CDC14B: variants seen among roughly 807,000 people sequenced by gnomAD.
CDC14B encodes dual specificity protein phosphatase CDC14B.
CDC14B carries 22 observed loss-of-function variants against 64.2 expected under a neutral mutation model. That is an observed-to-expected ratio of 0.34 (90% CI 0.24 to 0.49). The LOEUF is 0.49. Ranked by LOEUF, CDC14B falls within the 20% of genes least tolerant of loss-of-function variation. The probability of loss-of-function intolerance (pLI) is 0.99; values close to 1 mark genes in which losing one functional copy is unlikely to be tolerated. For synonymous variants in CDC14B, 191 were observed against 215.8 expected (o/e 0.89, Z 1.01); for missense variants, 498 against 629.9 (o/e 0.79, Z 2.24).
chr9:96,535,693 C>CT (rs1484361591), intron 7 of CDC14B, among the ~76,000 whole-genome samples: 1 of 152,056 alleles, frequency 6.6e-6, no homozygotes, highest in Non-Finnish European at 1.5e-5. Flanking sequence ...TCTTGAATAT[C>CT]TACAGGGACC....
downstream of CDC14B, chr9:96,496,265 AG>A (rs1291158316): frequency 2.0e-6 from 1 of 504,856 alleles, no homozygotes; most frequent in Non-Finnish European, 3.9e-6. Flanking sequence ...GGGCGTGTCC[AG>A]GAGAGACCTT....
intron 1 of CDC14B, among the ~76,000 whole-genome samples, chr9:96,574,110 G>C (rs1416312076): frequency 6.6e-6 from 1 of 150,878 alleles, no homozygotes. Context: ...TCGCACCACT[G>C]AACTCCAGCT....
chr9:96,557,093 C>T (rs1280324517), intron 4 of CDC14B, among the ~76,000 whole-genome samples: 3 of 152,232 alleles, frequency 2.0e-5, no homozygotes, highest in African/African-American at 7.2e-5. Context: ...GTTAACAGCA[C>T]CCAGCAAGCA....
rs1297652204 is a variant in CDC14B at position 96,580,384 on chromosome 9, ACCACGCCCGG to A, written c.161-14911_161-14902del. On this transcript the variant is annotated intron_variant, in intron 1 of 13. Transcript: ENST00000375241. The stretch of plus-strand genomic sequence containing the variant: ...GTAGCTGGGATTACAAGCATGCACC[ACCACGCCCGG>A]CTAATTTTGTGTTTTTAGTAGAGAT... Among the ~76,000 whole-genome samples, 21 of 152,218 alleles carry A rather than the reference ACCACGCCCGG, an allele frequency of 1.4e-4. No homozygotes were observed. The East Asian group carries it at 4.1e-3, about 29-fold the overall frequency.
chr9:96,559,017 G>A (rs1842831183), intron 4 of CDC14B, among the ~76,000 whole-genome samples: 1 of 152,080 alleles, frequency 6.6e-6, no homozygotes, highest in Non-Finnish European at 1.5e-5. Flanking sequence ...AGACAAATGA[G>A]TACTCAACTC....
intron 13 of CDC14B, among the ~76,000 whole-genome samples, chr9:96,494,089 C>T (rs1417384191): frequency 2.0e-5 from 3 of 152,176 alleles, no homozygotes; most frequent in African/African-American, 7.2e-5. Flanking sequence ...GCCTGGGAGC[C>T]CTGTCTTGTC....
In CDC14B at chr9:96,618,550, G is replaced by C. The variant is rs758969700; in HGVS notation, c.160+669C>G. 5.6e-6 allele frequency: 3 copies of C among 533,352 alleles called. No homozygotes were observed. The East Asian group carries it at 1.6e-4, about 29-fold the overall frequency. The allele number at this position is 533,352 out of a possible 1,614,324, so 33.0% of individuals were successfully genotyped here. A position where few individuals can be genotyped will look rare whatever the true frequency, so the allele number is the denominator to read the frequency against. Reference sequence around the variant, plus strand: ...TGACAACCCGGACATTCGTCTTGCCGGCTGGCTCGAATGCCACCAACGTGA... The same window carrying C: ...TGACAACCCGGACATTCGTCTTGCCCGCTGGCTCGAATGCCACCAACGTGA... On this transcript the variant is annotated intron_variant, in intron 1 of 13. Transcript: ENST00000375241.
intron 1 of CDC14B, among the ~76,000 whole-genome samples, chr9:96,571,542 A>G (rs1844477396): frequency 6.6e-6 from 1 of 152,182 alleles, no homozygotes; most frequent in South Asian, 2.1e-4. Context: ...TCACAAAGGG[A>G]AAAACTAGGA....
intron 1 of CDC14B, among the ~76,000 whole-genome samples, chr9:96,579,232 G>A (rs1844991209): frequency 6.6e-6 from 1 of 152,160 alleles, no homozygotes; most frequent in South Asian, 2.1e-4. Flanking sequence ...AGGGAATAGG[G>A]CCTTTAAGGA....
At chr9:96,549,910 C>G (rs1294273293) in intron 5 of CDC14B, among the ~76,000 whole-genome samples, 1 of 152,190 alleles carries the variant, frequency 6.6e-6, no homozygotes, top group East Asian at 1.9e-4. Flanking sequence ...TTTAAATTAA[C>G]TCAAAACGTC....
chr9:96,601,034 T>C (rs1414888899), intron 1 of CDC14B, among the ~76,000 whole-genome samples: 3 of 152,216 alleles, frequency 2.0e-5, no homozygotes, highest in Admixed American at 1.3e-4. Flanking sequence ...CAATAAAATA[T>C]TCCACTACAT....
In CDC14B at chr9:96,607,036, T is replaced by TA. The variant is rs112695794; in HGVS notation, c.160+12182dup. 8.2e-3 allele frequency among the ~76,000 whole-genome samples: 1,173 copies of TA among 143,142 alleles called. 17 individuals carry two copies. Among genetic ancestry groups the TA allele is most frequent in the African/African-American group, 0.026 (1,045 of 39,504 alleles). The allele number at this position is 143,142 out of a possible 152,430, so 93.9% of individuals were successfully genotyped here. A position where few individuals can be genotyped will look rare whatever the true frequency, so the allele number is the denominator to read the frequency against. ...AGCAAGACTGTGTCTCAAAAAAATT[T>TA]AAAAAAAAAAAAATTTAAATAAGAA... is the stretch of plus-strand genomic sequence containing the variant. On this transcript the variant is annotated intron_variant, in intron 1 of 13. Coordinates refer to ENST00000375241, the MANE Select transcript of CDC14B (RefSeq NM_033331.4).
intron 3 of CDC14B, among the ~76,000 whole-genome samples, chr9:96,563,576 G>C (rs901128425): frequency 1.3e-5 from 2 of 151,614 alleles, no homozygotes; most frequent in African/African-American, 4.9e-5. Context: ...CTTGAACCAG[G>C]GGGGTGGAGG....
At chr9:96,580,277 G>A (rs1309463483) in intron 1 of CDC14B, among the ~76,000 whole-genome samples, 2 of 150,584 alleles carry the variant, frequency 1.3e-5, no homozygotes, top group African/African-American at 2.4e-5. Context: ...TTTTGCCCAG[G>A]TTGGAGTGCA....
chr9:96,542,918 G>C (rs966779179), intron 5 of CDC14B, among the ~76,000 whole-genome samples: 2 of 152,032 alleles, frequency 1.3e-5, no homozygotes, highest in Admixed American at 6.6e-5. Context: ...CTAAGGCAGA[G>C]AATTGCTTGA....
At chr9:96,504,292 C>T (rs1225782676) in intron 13 of CDC14B, among the ~76,000 whole-genome samples, 2 of 152,158 alleles carry the variant, frequency 1.3e-5, no homozygotes, top group African/African-American at 4.8e-5. Flanking sequence ...CAGGAGGCAC[C>T]CCACGGGCTA....
intron 6 of CDC14B, 30 bp downstream of exon 6, chr9:96,541,796 A>G: frequency 6.6e-7 from 1 of 1,518,606 alleles, no homozygotes; most frequent in Non-Finnish European, 9.0e-7. Context: ...TCCTCAACAC[A>G]ACACTGGGTG....
In CDC14B at chr9:96,607,719, G is replaced by A. The variant is rs148000680; in HGVS notation, c.160+11500C>T. ...ATTACAGGCGTGAGCCACCGCGCCCGGCCAATGTGATGTCTTCATTCTTGT... is the reference window on the plus strand; with the variant it reads ...ATTACAGGCGTGAGCCACCGCGCCCAGCCAATGTGATGTCTTCATTCTTGT... On this transcript the variant is annotated intron_variant, in intron 1 of 13. Transcript: ENST00000375241. 9.9e-3 allele frequency among the ~76,000 whole-genome samples: 1,508 copies of A among 152,222 alleles called. 19 individuals carry two copies. The highest frequency in any genetic ancestry group is 0.035 in the African/African-American group (1,436 of 41,512).
chr9:96,577,532 T>C (rs56166547), intron 1 of CDC14B, among the ~76,000 whole-genome samples: 3 of 152,178 alleles, frequency 2.0e-5, no homozygotes, highest in Non-Finnish European at 2.9e-5. Context: ...ATAATAATTC[T>C]GGCTCTCCAC....
Sources: gnomAD v4.1 joint callset for allele counts (sites outside exome capture counted in the v4.1 genomes callset) on GRCh38, gnomAD v4.1.1 for gene constraint, MANE v1.5 for transcripts, NCBI Gene and HGNC (gene_info 2026-07-23, HGNC 2026-07-21) for gene names.